The following MAPK14 variants were observed in gnomAD, a reference collection of about 807,000 sequenced individuals.
The protein encoded by MAPK14 is CSAID-binding protein.
In MAPK14, 16 loss-of-function variants were observed where a neutral mutation model predicts 49.6. The observed-to-expected ratio is 0.32, with a 90% CI of 0.22 to 0.49. The LOEUF is 0.49. MAPK14 is among the 20% of genes least tolerant of loss of function. The pLI, the probability that MAPK14 is intolerant of heterozygous loss-of-function variation, is 0.99. For missense variants in MAPK14, 200 were observed against 441.2 expected (o/e 0.45, Z 4.90); for synonymous variants, 142 against 158.0 (o/e 0.90, Z 0.76).
chr6:36,118,289 A>G, the MAPK14 span, among the ~76,000 whole-genome samples: 1 of 152,260 alleles, frequency 6.6e-6, no homozygotes, highest in Non-Finnish European at 1.5e-5. Context: ...CAGCCATTCT[A>G]CAAATATCTA....
chr6:36,112,438 G>C (rs1023887232), downstream of MAPK14, among the ~76,000 whole-genome samples: 2 of 152,172 alleles, frequency 1.3e-5, no homozygotes, highest in Non-Finnish European at 2.9e-5. Flanking sequence ...CTTTAATCAT[G>C]AAAATGGAAC....
chr6:36,096,214 AGT>A (rs1765440650), intron 9 of MAPK14, 148 bp downstream of exon 9: 9 of 607,982 alleles, frequency 1.5e-5, no homozygotes, highest in African/African-American at 1.9e-5. Context: ...AGACAGTGTG[AGT>A]GTGTGTGTGC....
In MAPK14 at chr6:36,092,789, C is replaced by A. The variant is rs1241341814; in HGVS notation, c.683-3198C>A. 2.5e-5 allele frequency: 6 copies of A among 239,964 alleles called. No homozygotes were observed. The South Asian group carries it at 3.1e-4, about 12-fold the overall frequency. 14.9% of individuals were successfully genotyped at this position (239,964 alleles called of 1,614,324 possible). ...GTCACGACTCAAGACATCGGCACCT[C>A]CCGAGGTGATGAAAGGATGTGCCAT... On this transcript the variant is annotated intron_variant, in intron 8 of 11. Coordinates refer to ENST00000229794, the MANE Select transcript of MAPK14 (RefSeq NM_139012.3).
At chr6:36,117,326 A>G in the MAPK14 span, among the ~76,000 whole-genome samples, 7 of 152,224 alleles carry the variant, frequency 4.6e-5, no homozygotes, top group East Asian at 1.2e-3. Flanking sequence ...GCAGTGCTCT[A>G]ATGGGACAAA....
intron 1 of MAPK14, among the ~76,000 whole-genome samples, chr6:36,042,685 G>A (rs75600831): frequency 0.088 from 13,294 of 150,696 alleles, 713 homozygotes; most frequent in Middle Eastern, 0.12. Flanking sequence ...GTAGACACGA[G>A]GTCTCACTAT....
chr6:36,121,316 T>G, the MAPK14 span, among the ~76,000 whole-genome samples: 12 of 152,198 alleles, frequency 7.9e-5, no homozygotes, highest in African/African-American at 2.9e-4. Flanking sequence ...GGTGGGGCGT[T>G]ATGGGGAGGC....
At chr6:36,073,322 C>T (rs781352005) in intron 4 of MAPK14, among the ~76,000 whole-genome samples, 1 of 152,184 alleles carries the variant, frequency 6.6e-6, no homozygotes, top group Non-Finnish European at 1.5e-5. Context: ...TTGATGTAAT[C>T]TAATATCTGG....
intron 4 of MAPK14, 25 bp downstream of exon 4, chr6:36,073,009 T>A: frequency 7.0e-7 from 1 of 1,426,204 alleles, no homozygotes; most frequent in Non-Finnish European, 9.9e-7. Flanking sequence ...AGTAATAATT[T>A]TTTAAAATGA....
chr6:36,028,575 C>G lies in MAPK14; in HGVS notation c.116+302C>G, dbSNP rs964269438. Among the ~76,000 whole-genome samples, 8 of 152,220 alleles carry G rather than the reference C, an allele frequency of 5.3e-5. No homozygotes were observed. The highest frequency in any genetic ancestry group is 2.9e-5 in the Non-Finnish European group (2 of 68,026). ...CTCTCGGAGGGTTGCTGCTCGGCAA[C>G]AGGCACCGGGGGAAGGGCCGCTTCC... On this transcript the variant is annotated intron_variant, in intron 1 of 11. Coordinates refer to ENST00000229794, the MANE Select transcript of MAPK14 (RefSeq NM_139012.3). This position sits in a 1 kb window ranked among gnomAD's most constrained non-coding sequence, Gnocchi z 5.1.
chr6:36,037,700 G>A (rs1012166037), intron 1 of MAPK14, among the ~76,000 whole-genome samples: 2 of 152,050 alleles, frequency 1.3e-5, no homozygotes, highest in Non-Finnish European at 2.9e-5. Flanking sequence ...GCTATATTCT[G>A]GCCAGGTGCA....
chr6:36,029,402 T>C (rs1470478257), intron 1 of MAPK14, among the ~76,000 whole-genome samples: 1 of 152,260 alleles, frequency 6.6e-6, no homozygotes, highest in Non-Finnish European at 1.5e-5. Flanking sequence ...AATATTTCAC[T>C]AACTGCTCTC....
intron 3 of MAPK14, among the ~76,000 whole-genome samples, chr6:36,069,990 G>C (rs1298783873): frequency 6.6e-6 from 1 of 152,110 alleles, no homozygotes; most frequent in Admixed American, 6.6e-5. Flanking sequence ...ATATAATTAT[G>C]TGCAAAGTAG....
Position 36,108,758 on chromosome 6 carries a change from G to T in MAPK14, c.*311G>T. 1 of 362,770 alleles carries T rather than the reference G, an allele frequency of 2.8e-6. No individual in the cohort carries two copies. The highest frequency in any genetic ancestry group is 5.2e-6 in the Non-Finnish European group (1 of 192,776). 22.5% of individuals were successfully genotyped at this position (362,770 alleles called of 1,614,324 possible). A position where few individuals can be genotyped will look rare whatever the true frequency, so the allele number is the denominator to read the frequency against. Reference sequence around the variant, plus strand: ...CAGACAAGAGCTGCTGTCCTTTTAGGAATATGTTCAATGCAAAGTAAAAAA... The same window carrying T: ...CAGACAAGAGCTGCTGTCCTTTTAGTAATATGTTCAATGCAAAGTAAAAAA... On this transcript the variant is annotated 3_prime_UTR_variant, in exon 12 of 12. Coordinates refer to ENST00000229794, the MANE Select transcript of MAPK14 (RefSeq NM_139012.3).
intron 8 of MAPK14, among the ~76,000 whole-genome samples, chr6:36,081,006 C>T (rs1298056351): frequency 6.6e-6 from 1 of 151,948 alleles, no homozygotes; most frequent in African/African-American, 2.4e-5. Flanking sequence ...TCAAGTCTTG[C>T]CTATTCTTAA....
chr6:36,113,343 TAAAAAA>T (rs35876911), downstream of MAPK14, among the ~76,000 whole-genome samples: 4 of 71,742 alleles, frequency 5.6e-5, no homozygotes, highest in Non-Finnish European at 1.1e-4. Flanking sequence ...CCCTGTCTCA[TAAAAAA>T]AAAAAAAAAA....
intron 3 of MAPK14, among the ~76,000 whole-genome samples, chr6:36,070,145 T>C (rs1764211552): frequency 6.6e-6 from 1 of 152,234 alleles, no homozygotes; most frequent in South Asian, 2.1e-4. Context: ...TGATAGTAAA[T>C]ACAGTATTGA....
chr6:36,094,437 A>G (rs1256970439), intron 8 of MAPK14, among the ~76,000 whole-genome samples: 2 of 152,226 alleles, frequency 1.3e-5, no homozygotes, highest in South Asian at 4.1e-4. Flanking sequence ...ATAAAACTTT[A>G]TATATAAAAC....
At chr6:36,078,684 G>T (rs1447136618) in intron 8 of MAPK14, among the ~76,000 whole-genome samples, 5 of 152,076 alleles carry the variant, frequency 3.3e-5, no homozygotes, top group African/African-American at 9.7e-5. Flanking sequence ...TTTGGTTTTA[G>T]TTATTTATTT....
At chr6:36,102,781 G>T (rs1765680957) in intron 10 of MAPK14, 132 bp downstream of exon 10, 3 of 1,490,248 alleles carry the variant, frequency 2.0e-6, no homozygotes, top group African/African-American at 1.4e-5. Context: ...GATAAATACG[G>T]CTTTTATTAT....
Sources: gnomAD v4.1 joint callset for allele counts (sites outside exome capture counted in the v4.1 genomes callset) on GRCh38, gnomAD v4.1.1 for gene constraint, Gnocchi (gnomAD v3.1) non-coding constraint, MANE v1.5 for transcripts, NCBI Gene and HGNC (gene_info 2026-07-23, HGNC 2026-07-21) for gene names.